Variants in PLCB4 observed in about 807,000 individuals in gnomAD.
PLCB4 encodes phospholipase C beta 4.
In PLCB4, 77 loss-of-function variants were observed where a neutral mutation model predicts 178.8. The observed-to-expected ratio is 0.43, with a 90% CI of 0.36 to 0.52. The LOEUF is 0.52. PLCB4 is among the 20% of genes least tolerant of loss of function. The pLI is 0.00. For missense variants in PLCB4, 1,024 were observed against 1,453.4 expected (o/e 0.70, Z 4.80); for synonymous variants, 496 against 490.8 (o/e 1.01, Z -0.14).
At chr20:9,214,377 G>A (rs112283029) in intron 2 of PLCB4, among the ~76,000 whole-genome samples, 1 of 152,124 alleles carries the variant, frequency 6.6e-6, no homozygotes, top group Non-Finnish European at 1.5e-5. Flanking sequence ...TCCTGGCACC[G>A]TGTGTTGAAT....
chr20:9,200,436 C>T (rs998316522), intron 2 of PLCB4, among the ~76,000 whole-genome samples: 1 of 152,148 alleles, frequency 6.6e-6, no homozygotes, highest in Non-Finnish European at 1.5e-5. Flanking sequence ...TAGCTGGTTT[C>T]GGTGCTTTGT....
chr20:9,077,002 T>C (rs1465748811), intron 1 of PLCB4, among the ~76,000 whole-genome samples: 1 of 152,222 alleles, frequency 6.6e-6, no homozygotes, highest in African/African-American at 2.4e-5. Flanking sequence ...TCCTTTTTTC[T>C]GTACATTTAC....
chr20:9,099,826 A>G (rs1436243289), intron 2 of PLCB4, among the ~76,000 whole-genome samples: 1 of 152,028 alleles, frequency 6.6e-6, no homozygotes, highest in Non-Finnish European at 1.5e-5. Context: ...CCTCCCTTTC[A>G]TTATGGCCCA....
In PLCB4 at chr20:9,162,084, G is replaced by A. The variant is rs182069346; in HGVS notation, c.-78-55306G>A. Among the ~76,000 whole-genome samples the A allele has an allele frequency of 2.5e-3, 386 of 152,024 alleles. 3 individuals carry two copies. The highest frequency in any genetic ancestry group is 7.5e-4 in the Non-Finnish European group (51 of 67,978). ...TCTGTTTTTTTTGTCAAATCTTTTAGTTTCACGATTCATTAGAGTGGATGA... is the reference window on the plus strand; with the variant it reads ...TCTGTTTTTTTTGTCAAATCTTTTAATTTCACGATTCATTAGAGTGGATGA... On this transcript the variant is annotated intron_variant, in intron 2 of 39. Coordinates refer to ENST00000378473, the MANE Select transcript of PLCB4 (RefSeq NM_001377142.1).
At chr20:9,120,547 A>G (rs1331469944) in intron 2 of PLCB4, among the ~76,000 whole-genome samples, 2 of 151,992 alleles carry the variant, frequency 1.3e-5, no homozygotes, top group South Asian at 2.1e-4. Flanking sequence ...TCTAGTTCCA[A>G]AATCTCTCCC....
chr20:9,326,884 G>A (rs2030688184), intron 4 of PLCB4, among the ~76,000 whole-genome samples: 1 of 152,194 alleles, frequency 6.6e-6, no homozygotes, highest in South Asian at 2.1e-4. Flanking sequence ...TAGCTCACTG[G>A]AAATAGACAT....
intron 2 of PLCB4, among the ~76,000 whole-genome samples, chr20:9,131,848 G>C (rs1471464395): frequency 6.6e-6 from 1 of 152,120 alleles, no homozygotes; most frequent in Non-Finnish European, 1.5e-5. Flanking sequence ...TAATCATTTG[G>C]GCTTGTTTTC....
intron 3 of PLCB4, among the ~76,000 whole-genome samples, chr20:9,295,575 T>C (rs1185188419): frequency 6.6e-6 from 1 of 152,154 alleles, no homozygotes; most frequent in East Asian, 1.9e-4. Flanking sequence ...GCATAAAAGA[T>C]AAGAAACAAG....
chr20:9,227,087 CT>C (rs759800735), intron 3 of PLCB4, among the ~76,000 whole-genome samples: 76 of 151,958 alleles, frequency 5.0e-4, no homozygotes, highest in Non-Finnish European at 9.7e-4. Context: ...TTTTCACTTG[CT>C]TGCTGATCAT....
chr20:9,275,844 T>C (rs2094445956), intron 3 of PLCB4, among the ~76,000 whole-genome samples: 1 of 152,086 alleles, frequency 6.6e-6, no homozygotes, highest in African/African-American at 2.4e-5. Context: ...GATACAATCC[T>C]TCTTTTTCCA....
chr20:9,086,084 A>G (rs1196437482), intron 1 of PLCB4, among the ~76,000 whole-genome samples: 1 of 152,176 alleles, frequency 6.6e-6, no homozygotes, highest in Non-Finnish European at 1.5e-5. Context: ...AAGAGATGAT[A>G]TAAATTAAAT....
At chr20:9,434,741 T>G (rs2041658638) in intron 28 of PLCB4, among the ~76,000 whole-genome samples, 1 of 152,120 alleles carries the variant, frequency 6.6e-6, no homozygotes, top group African/African-American at 2.4e-5. Context: ...ACCTAGAGAA[T>G]TATGTGCCCC....
intron 3 of PLCB4, among the ~76,000 whole-genome samples, chr20:9,289,969 G>C (rs6118563): frequency 0.032 from 4,798 of 152,000 alleles, 127 homozygotes; most frequent in African/African-American, 0.064. Context: ...CAGGTCAGGG[G>C]TAAATAGCCC....
chr20:9,400,753 CT>C (rs201158643), intron 19 of PLCB4, among the ~76,000 whole-genome samples: 56 of 152,182 alleles, frequency 3.7e-4, no homozygotes, highest in African/African-American at 1.3e-3. Context: ...GCAGGTACTT[CT>C]TTTTTTTCCC....
At chr20:9,131,734 A>G (rs2092277627) in intron 2 of PLCB4, among the ~76,000 whole-genome samples, 1 of 152,000 alleles carries the variant, frequency 6.6e-6, no homozygotes, top group African/African-American at 2.4e-5. Context: ...GCCTCCTATC[A>G]CTCATGCCCT....
chr20:9,110,070 G>A (rs13038426), intron 2 of PLCB4, among the ~76,000 whole-genome samples: 20,819 of 152,022 alleles, frequency 0.14, 1,492 homozygotes, highest in Middle Eastern at 0.19. Context: ...TAAGCAATGG[G>A]TATTTTACTA....
At chr20:9,219,254 G>A (rs2093769145) in intron 3 of PLCB4, among the ~76,000 whole-genome samples, 1 of 152,202 alleles carries the variant, frequency 6.6e-6, no homozygotes. Flanking sequence ...TGGATCACAA[G>A]GTCAGGAGAT....
intron 7 of PLCB4, among the ~76,000 whole-genome samples, chr20:9,341,400 TG>T (rs1815341990): frequency 1.3e-5 from 2 of 152,152 alleles, no homozygotes; most frequent in Non-Finnish European, 2.9e-5. Flanking sequence ...ACATACTTTT[TG>T]TATGGTATAT....
upstream of PLCB4, chr20:9,068,837 G>A (rs1453400636): frequency 6.6e-6 from 1 of 151,532 alleles, no homozygotes; most frequent in African/African-American, 2.4e-5. Context: ...GGCGGTGGGC[G>A]GGCGGGTCGG....
Sources: gnomAD v4.1 joint callset for allele counts (sites outside exome capture counted in the v4.1 genomes callset) on GRCh38, gnomAD v4.1.1 for gene constraint, MANE v1.5 for transcripts, NCBI Gene and HGNC (gene_info 2026-07-23, HGNC 2026-07-21) for gene names.